GSK3B: variants seen among roughly 807,000 people sequenced by gnomAD.
GSK3B encodes the protein glycogen synthase kinase 3 beta.
A neutral mutation model predicts 56.4 loss-of-function variants in GSK3B; 15 were observed. That is an observed-to-expected ratio of 0.27 (90% CI 0.18 to 0.41). The LOEUF (loss-of-function observed/expected upper bound fraction) is 0.41, where lower values mean the gene tolerates loss of function less well. GSK3B is among the 10% of genes least tolerant of loss of function. The pLI is 1.00. For synonymous variants in GSK3B, 181 were observed against 188.9 expected, an observed-to-expected ratio of 0.96 and a Z score of 0.34; for missense variants, 300 against 513.4, an observed-to-expected ratio of 0.58 and a Z score of 4.02.
intron 1 of GSK3B, among the ~76,000 whole-genome samples, chr3:120,061,332 T>C (rs975835034): frequency 6.6e-6 from 1 of 152,256 alleles, no homozygotes; most frequent in African/African-American, 2.4e-5. Context: ...AACGGGATTA[T>C]AATTTACTAA....
intron 4 of GSK3B, among the ~76,000 whole-genome samples, chr3:119,919,336 A>G (rs763156925): frequency 6.6e-6 from 1 of 152,182 alleles, no homozygotes; most frequent in Non-Finnish European, 1.5e-5. Flanking sequence ...CTCACAATCT[A>G]ACATTTTTCA....
At chr3:119,959,962 C>T (rs1040140799) in intron 2 of GSK3B, among the ~76,000 whole-genome samples, 4 of 152,024 alleles carry the variant, frequency 2.6e-5, no homozygotes, top group South Asian at 4.2e-4. Context: ...TAGAAATTTA[C>T]GTTCACATTA....
chr3:119,828,759 A>G (rs2055555830), intron 10 of GSK3B, among the ~76,000 whole-genome samples: 1 of 152,330 alleles, frequency 6.6e-6, no homozygotes, highest in Non-Finnish European at 1.5e-5. Flanking sequence ...TAATTTCCCG[A>G]TAAGCTGCCC....
Position 119,822,535 on chromosome 3 carries a change from G to A in GSK3B, c.*4253C>T, listed in dbSNP as rs2055428851. ...GCTTTTATTGCAGAGGTGCAAAACG[G>A]AGCAACAAACTTGAATAAAACGGCA... On this transcript the variant is annotated 3_prime_UTR_variant, in exon 11 of 11. Transcript: ENST00000264235. 4.4e-6 allele frequency: 1 copy of A among 227,706 alleles called. No individual in the cohort carries two copies. Among genetic ancestry groups the A allele is most frequent in the Non-Finnish European group, 8.7e-6 (1 of 114,734 alleles). The allele number at this position is 227,706 out of a possible 1,614,324, so 14.1% of individuals were successfully genotyped here.
intron 9 of GSK3B, among the ~76,000 whole-genome samples, chr3:119,846,759 C>A (rs1353297363): frequency 1.3e-5 from 2 of 152,086 alleles, no homozygotes; most frequent in African/African-American, 4.8e-5. Flanking sequence ...TTTGAAATAC[C>A]ATTTGACCCA....
At chr3:119,954,276 A>C (rs1408071329) in intron 2 of GSK3B, among the ~76,000 whole-genome samples, 1 of 149,190 alleles carries the variant, frequency 6.7e-6, no homozygotes, top group Non-Finnish European at 1.5e-5. Flanking sequence ...ATAGAATAGA[A>C]TAGAATAGAA....
chr3:120,088,139 G>A (rs1042839103), intron 1 of GSK3B, among the ~76,000 whole-genome samples: 49 of 152,070 alleles, frequency 3.2e-4, no homozygotes, highest in African/African-American at 4.8e-5. Flanking sequence ...TGATCCACCC[G>A]CCTCGGCCTC....
intron 1 of GSK3B, among the ~76,000 whole-genome samples, chr3:120,078,914 TACACACAC>T (rs57127586): frequency 0.013 from 1,746 of 138,306 alleles, 29 homozygotes; most frequent in African/African-American, 0.045. Flanking sequence ...GACAGGAAAT[TACACACAC>T]ACACACACAC....
At chr3:120,025,062 TAA>T (rs1233194774) in intron 1 of GSK3B, among the ~76,000 whole-genome samples, 4 of 152,134 alleles carry the variant, frequency 2.6e-5, no homozygotes, top group Admixed American at 2.0e-4. Flanking sequence ...TAATGGATAG[TAA>T]GATTCTTCTG....
chr3:120,028,447 G>C (rs2057947172), intron 1 of GSK3B, among the ~76,000 whole-genome samples: 1 of 152,138 alleles, frequency 6.6e-6, no homozygotes. Context: ...TAGCCTACAA[G>C]AGATTAAAAG....
intron 1 of GSK3B, among the ~76,000 whole-genome samples, chr3:120,045,643 C>T (rs2058096873): frequency 6.6e-6 from 1 of 152,196 alleles, no homozygotes; most frequent in Non-Finnish European, 1.5e-5. Flanking sequence ...CCTGTGCTCT[C>T]GCCATTGCTC....
chr3:119,838,079 G>C (rs2055718920), intron 10 of GSK3B, among the ~76,000 whole-genome samples: 2 of 151,430 alleles, frequency 1.3e-5, no homozygotes, highest in Non-Finnish European at 2.9e-5. Context: ...CTTGAGGCCA[G>C]GAGTTCGAGA....
At chr3:120,030,056 A>T (rs1397035011) in intron 1 of GSK3B, among the ~76,000 whole-genome samples, 4 of 152,138 alleles carry the variant, frequency 2.6e-5, no homozygotes, top group Non-Finnish European at 5.9e-5. Flanking sequence ...TGTGAAATAA[A>T]GGTTTATATC....
intron 1 of GSK3B, among the ~76,000 whole-genome samples, chr3:120,031,493 T>C (rs1379582560): frequency 6.6e-6 from 1 of 152,206 alleles, no homozygotes; most frequent in Non-Finnish European, 1.5e-5. Flanking sequence ...CTCAAGTCCT[T>C]GGGTAGTCAG....
At chr3:119,987,363 T>C (rs550812532) in intron 2 of GSK3B, among the ~76,000 whole-genome samples, 6 of 152,274 alleles carry the variant, frequency 3.9e-5, no homozygotes, top group South Asian at 4.1e-4. Context: ...TTTAAAGCTA[T>C]TGAAAAAACA....
chr3:119,978,403 T>G (rs548891710), intron 2 of GSK3B, among the ~76,000 whole-genome samples: 1 of 152,180 alleles, frequency 6.6e-6, no homozygotes. Flanking sequence ...AGGAAACACT[T>G]CTTAACGAAA....
At chr3:120,012,262 A>G (rs2057784879) in intron 1 of GSK3B, among the ~76,000 whole-genome samples, 1 of 152,242 alleles carries the variant, frequency 6.6e-6, no homozygotes, top group African/African-American at 2.4e-5. Flanking sequence ...TTCAGACCAT[A>G]GCACTGCTTC....
intron 1 of GSK3B, among the ~76,000 whole-genome samples, chr3:120,090,089 G>C (rs776487872): frequency 6.6e-6 from 1 of 151,974 alleles, no homozygotes; most frequent in Non-Finnish European, 1.5e-5. Context: ...CAAGTTTTAA[G>C]CATATATCAA....
At chr3:119,938,098 C>T (rs1319455615) in intron 3 of GSK3B, among the ~76,000 whole-genome samples, 6 of 151,984 alleles carry the variant, frequency 3.9e-5, no homozygotes, top group Non-Finnish European at 8.8e-5. Context: ...AACAAACATA[C>T]ACACAAGTAG....
Sources: allele counts gnomAD v4.1 joint callset (sites outside exome capture counted in the v4.1 genomes callset), GRCh38; gene constraint gnomAD v4.1.1; transcripts MANE v1.5; gene names NCBI Gene and HGNC (gene_info 2026-07-23, HGNC 2026-07-21).